The following ZNF492 variants were observed in gnomAD, a reference collection of about 807,000 sequenced individuals.
ZNF492 encodes zinc finger protein 115 (Y20).
In ZNF492, 3 loss-of-function variants were observed where a neutral mutation model predicts 6.4. That is an observed-to-expected ratio of 0.47 (90% CI 0.21 to 1.22). The LOEUF is 1.22. Ranked by LOEUF, ZNF492 falls within the 50% of genes most tolerant of loss-of-function variation. ZNF492 has a pLI of 0.22. For missense variants in ZNF492, 356 were observed against 612.5 expected (o/e 0.58, Z 4.42); for synonymous variants, 112 against 205.3 (o/e 0.55, Z 3.89).
At chr19:22,657,079 A>C (rs1454169155) in intron 3 of ZNF492, among the ~76,000 whole-genome samples, 3 of 151,986 alleles carry the variant, frequency 2.0e-5, no homozygotes, top group Admixed American at 6.6e-5. Flanking sequence ...TTTACTTTCT[A>C]CTTTCTATTT....
intron 3 of ZNF492, among the ~76,000 whole-genome samples, chr19:22,663,135 T>TA (rs1972075863): frequency 6.6e-6 from 1 of 152,080 alleles, no homozygotes; most frequent in Admixed American, 6.6e-5. Context: ...AGGGATCCAG[T>TA]TTCAGCTTTC....
intron 1 of ZNF492, among the ~76,000 whole-genome samples, chr19:22,644,984 T>C (rs62118777): frequency 0.11 from 16,989 of 152,194 alleles, 1,001 homozygotes; most frequent in Middle Eastern, 0.16. Context: ...ATCAGTGATG[T>C]TGAGCTTCTT....
At chr19:22,637,772 G>A (rs1016851565) in intron 1 of ZNF492, among the ~76,000 whole-genome samples, 1 of 152,150 alleles carries the variant, frequency 6.6e-6, no homozygotes, top group African/African-American at 2.4e-5. Context: ...AGGTAATTCT[G>A]TTTTTAGTTC....
chr19:22,637,353 T>C (rs371162258), intron 1 of ZNF492, among the ~76,000 whole-genome samples: 16 of 152,168 alleles, frequency 1.1e-4, no homozygotes, highest in East Asian at 9.7e-4. Context: ...TGCAGTGGCA[T>C]GATCTCAGCT....
chr19:22,660,841 G>A (rs1972050975), intron 3 of ZNF492, among the ~76,000 whole-genome samples: 1 of 148,620 alleles, frequency 6.7e-6, no homozygotes, highest in South Asian at 2.1e-4. Context: ...TCAGAATTTG[G>A]TTGTTTTGGA....
intron 1 of ZNF492, among the ~76,000 whole-genome samples, chr19:22,638,546 C>T (rs1267604294): frequency 3.9e-5 from 6 of 151,962 alleles, no homozygotes; most frequent in South Asian, 2.1e-4. Context: ...GTATTATGGG[C>T]TCTCTATTCT....
intron 1 of ZNF492, among the ~76,000 whole-genome samples, chr19:22,647,260 G>GTT (rs71180573): frequency 4.5e-5 from 6 of 132,930 alleles, no homozygotes; most frequent in South Asian, 2.4e-4. Flanking sequence ...GTTTGTTGTT[G>GTT]TTTTTTTTTT....
At chr19:22,649,543 C>A (rs773818661) in intron 1 of ZNF492, among the ~76,000 whole-genome samples, 3 of 151,910 alleles carry the variant, frequency 2.0e-5, no homozygotes, top group Non-Finnish European at 2.9e-5. Context: ...TTTCCATTCT[C>A]CCCCTTTCCT....
At position 22,647,402 on chromosome 19, in the gene ZNF492, G is replaced by A. The variant is rs1568353669; in HGVS notation, c.-93-5905G>A. On this transcript the variant is annotated intron_variant, in intron 1 of 3. Coordinates refer to ENST00000456783, the MANE Select transcript of ZNF492 (RefSeq NM_020855.3). ...ATCCCAAGTAGCCTGGATTACAGGTGCCCGCCACTACACCCAGTTAATTTT... is the reference window on the plus strand; with the variant it reads ...ATCCCAAGTAGCCTGGATTACAGGTACCCGCCACTACACCCAGTTAATTTT... 6.7e-5 allele frequency among the ~76,000 whole-genome samples: 10 copies of A among 149,580 alleles called. No homozygotes were observed. In the South Asian group the frequency reaches 2.1e-3, roughly 32 times the overall value.
Position 22,653,950 on chromosome 19 carries a change from C to A in ZNF492, c.65C>A (p.Thr22Asn). Residue 22 changes from threonine (T) to asparagine (N), a missense_variant, in exon 3 of 4, where the codon ACC (threonine) becomes AAC (asparagine). Around this residue, in one of 7 missense-constraint regions of ZNF492, gnomAD observed 196 missense variants for 219.4 expected, o/e 0.89. Transcript: ENST00000456783. ...GIAASKPDLI[T>N]CLEQGKEPWN... ...GCTGCCTCTAAGCCAGACCTGATCACCTGTCTGGAGCAAGGAAAAGAACCT... is the reference window on the plus strand; with the variant it reads ...GCTGCCTCTAAGCCAGACCTGATCAACTGTCTGGAGCAAGGAAAAGAACCT... The A allele has an allele frequency of 6.3e-7, 1 of 1,594,034 alleles. No homozygotes were observed. The highest frequency in any genetic ancestry group is 8.5e-7 in the Non-Finnish European group (1 of 1,175,226).
intron 1 of ZNF492, among the ~76,000 whole-genome samples, chr19:22,647,453 G>C (rs1234359440): frequency 1.3e-5 from 2 of 149,258 alleles, no homozygotes. Context: ...TTAGAGATGG[G>C]GTTTCACCAT....
chr19:22,663,341 T>C (rs1972077594), intron 3 of ZNF492, among the ~76,000 whole-genome samples: 1 of 152,080 alleles, frequency 6.6e-6, no homozygotes, highest in Admixed American at 6.6e-5. Flanking sequence ...CCTCAAACTG[T>C]CATTTGAAAG....
intron 1 of ZNF492, among the ~76,000 whole-genome samples, chr19:22,650,689 G>A (rs1231042370): frequency 6.6e-6 from 1 of 152,150 alleles, no homozygotes; most frequent in Non-Finnish European, 1.5e-5. Context: ...CTGAAGAGGA[G>A]CTGTAGCTGC....
At position 22,653,357 on chromosome 19, in the gene ZNF492, G is replaced by A. The variant is rs1327797797; in HGVS notation, c.-43G>A. The A allele has an allele frequency of 4.3e-6, 7 of 1,613,628 alleles. No individual in the cohort carries two copies. Among genetic ancestry groups the A allele is most frequent in the African/African-American group, 1.3e-5 (1 of 74,674 alleles). Reference sequence around the variant, plus strand: ...CCATAGAATTCTCTCTGGAGGAGTGGCAATGCCTGGACACCGCACAGCAGA... The same window carrying A: ...CCATAGAATTCTCTCTGGAGGAGTGACAATGCCTGGACACCGCACAGCAGA... On this transcript the variant is annotated 5_prime_UTR_variant, in exon 2 of 4. Coordinates refer to ENST00000456783, the MANE Select transcript of ZNF492 (RefSeq NM_020855.3).
chr19:22,646,916 G>C (rs1055325303), intron 1 of ZNF492, among the ~76,000 whole-genome samples: 1 of 152,088 alleles, frequency 6.6e-6, no homozygotes. Context: ...GCTTTTTTGA[G>C]ACCGAGTTTC....
chr19:22,656,584 C>T (rs1971998681), intron 3 of ZNF492, among the ~76,000 whole-genome samples: 1 of 151,990 alleles, frequency 6.6e-6, no homozygotes, highest in African/African-American at 2.4e-5. Context: ...AGGCCTGCTG[C>T]ATGGCTATAA....
chr19:22,657,066 A>G (rs1406182049), intron 3 of ZNF492, among the ~76,000 whole-genome samples: 1 of 152,122 alleles, frequency 6.6e-6, no homozygotes, highest in East Asian at 1.9e-4. Flanking sequence ...CTTCCTGTCC[A>G]TTTTTACTTT....
chr19:22,636,347 C>T (rs1362055411), intron 1 of ZNF492, among the ~76,000 whole-genome samples: 2 of 152,134 alleles, frequency 1.3e-5, no homozygotes, highest in Non-Finnish European at 2.9e-5. Context: ...GATCTGCCCG[C>T]CTCGGCCCAA....
At chr19:22,645,719 A>G (rs535541809) in intron 1 of ZNF492, among the ~76,000 whole-genome samples, 1 of 152,330 alleles carries the variant, frequency 6.6e-6, no homozygotes, top group African/African-American at 2.4e-5. Context: ...GAAGAGGTCC[A>G]GTTTCAGTTT....
Sources: allele counts gnomAD v4.1 joint callset (sites outside exome capture counted in the v4.1 genomes callset), GRCh38; gene constraint gnomAD v4.1.1; regional missense constraint gnomAD v4.1.1; transcripts MANE v1.5; gene names NCBI Gene and HGNC (gene_info 2026-07-23, HGNC 2026-07-21).